Variants in PCDH11X observed in about 807,000 individuals in gnomAD.
PCDH11X encodes the protein protocadherin 11 X-linked, also known as protocadherin-11 X-linked.
PCDH11X carries 18 observed loss-of-function variants against 53.3 expected under a neutral mutation model. That is an observed-to-expected ratio of 0.34 (90% confidence interval 0.23 to 0.50). The LOEUF is 0.50. Among genes scored for constraint, PCDH11X ranks in the 20% least tolerant of loss-of-function variants. PCDH11X has a pLI of 0.98. For missense variants in PCDH11X, 570 were observed against 1,032.4 expected, an observed-to-expected ratio of 0.55 and a Z score of 6.14; for synonymous variants, 279 against 393.3, an observed-to-expected ratio of 0.71 and a Z score of 3.44.
At chrX:92,042,885 C>T (rs1341484160) in intron 6 of PCDH11X, among the ~76,000 whole-genome samples, 4 of 109,417 alleles carry the variant, frequency 3.7e-5, no homozygotes, top group African/African-American at 1.3e-4. Context: ...GTCATCCACC[C>T]GCCTCAGCCT....
At chrX:92,058,817 T>C (rs764010535) in intron 6 of PCDH11X, among the ~76,000 whole-genome samples, 414 of 107,823 alleles carry the variant, frequency 3.8e-3, no homozygotes, top group Non-Finnish European at 6.3e-3. Context: ...ATATTGATAT[T>C]ATTTCAATGC....
chrX:92,292,013 C>T (rs1344105177), intron 8 of PCDH11X, among the ~76,000 whole-genome samples: 3 of 111,648 alleles, frequency 2.7e-5, no homozygotes, highest in Non-Finnish European at 5.7e-5. Flanking sequence ...ATGTGAAATG[C>T]ATCACTTTGG....
At chrX:91,798,134 G>T (rs1322855281) in intron 1 of PCDH11X, 4 of 110,485 alleles carry the variant, frequency 3.6e-5, no homozygotes. Context: ...TGTAGTATCT[G>T]TTCCTATCAG....
chrX:92,580,822 T>A (rs921672549), intron 10 of PCDH11X, among the ~76,000 whole-genome samples: 6 of 111,122 alleles, frequency 5.4e-5, no homozygotes, highest in African/African-American at 2.0e-4. Context: ...ATTTCCCGAG[T>A]TCGGTAACAC....
At chrX:92,291,873 C>CAA (rs199895319) in intron 8 of PCDH11X, among the ~76,000 whole-genome samples, 2,839 of 100,782 alleles carry the variant, frequency 0.028, 73 homozygotes, top group African/African-American at 0.088. Flanking sequence ...GTCTCAAAAA[C>CAA]AAAAAAAAAG....
chrX:92,004,699 C>T (rs1602659181), intron 6 of PCDH11X, among the ~76,000 whole-genome samples: 1 of 108,264 alleles, frequency 9.2e-6, no homozygotes, highest in South Asian at 4.0e-4. Context: ...ATATAGTGAC[C>T]CTTGCTCATT....
At chrX:92,219,350 C>G (rs2066808680) in intron 7 of PCDH11X, among the ~76,000 whole-genome samples, 1 of 111,168 alleles carries the variant, frequency 9.0e-6, no homozygotes, top group Non-Finnish European at 1.9e-5. Context: ...TCAGCAAAGT[C>G]TCAGGATACA....
At chrX:92,351,272 A>G (rs1288813685) in intron 8 of PCDH11X, among the ~76,000 whole-genome samples, 3 of 111,941 alleles carry the variant, frequency 2.7e-5, no homozygotes, top group Admixed American at 9.5e-5. Flanking sequence ...TAGGTTCACA[A>G]ATAAATCATT....
intron 6 of PCDH11X, among the ~76,000 whole-genome samples, chrX:92,184,794 G>T (rs2066061513): frequency 9.0e-6 from 1 of 110,847 alleles, no homozygotes; most frequent in African/African-American, 3.3e-5. Context: ...CTATAATCCT[G>T]GCACTTTGGA....
chrX:92,323,654 T>A (rs1157045686), intron 8 of PCDH11X, among the ~76,000 whole-genome samples: 2 of 111,156 alleles, frequency 1.8e-5, no homozygotes, highest in Admixed American at 9.7e-5. Flanking sequence ...ACATGTGCCA[T>A]GCTGGTGTGC....
At chrX:92,594,109 A>T (rs933222356) in intron 10 of PCDH11X, among the ~76,000 whole-genome samples, 1 of 89,790 alleles carries the variant, frequency 1.1e-5, no homozygotes, top group African/African-American at 4.1e-5. Flanking sequence ...TCCTGTTTGG[A>T]AAGCTGAATC....
chrX:92,024,815 GT>G (rs1286512038), intron 6 of PCDH11X, among the ~76,000 whole-genome samples: 1 of 105,971 alleles, frequency 9.4e-6, no homozygotes, highest in Non-Finnish European at 1.9e-5. Flanking sequence ...GCAAAACTTC[GT>G]GGTACTGACA....
rs576362483 is a variant in PCDH11X, at chrX:91,835,980, C to T, written c.476C>T (p.Thr159Ile). The change falls in exon 5 of 11, where the codon ACT (threonine) becomes ATT (isoleucine). Residue 159 changes from threonine (T) to isoleucine (I), a missense_variant. By Grantham distance (89) the Thr-to-Ile change is moderately conservative. Around this residue, in one of 6 missense-constraint regions of PCDH11X, gnomAD observed 84 missense variants for 142.0 expected, o/e 0.59. Coordinates refer to ENST00000682573, the MANE Select transcript of PCDH11X (RefSeq NM_032968.5). ...AACTCGGCTATAAACTCTAAATATA[C>T]TCTCCCAGCGGCTGTTGATCCTGAC... ...PENSAINSKY[T>I]LPAAVDPDVG... is the part of the protein sequence containing the mutation. 8.3e-7 allele frequency: 1 copy of T among 1,211,042 alleles called. No homozygotes were observed. The highest frequency in any genetic ancestry group is 1.8e-5 in the South Asian group (1 of 56,917).
chrX:91,803,351 T>G (rs1455584427), intron 1 of PCDH11X, among the ~76,000 whole-genome samples: 1 of 111,103 alleles, frequency 9.0e-6, no homozygotes, highest in African/African-American at 3.3e-5. Flanking sequence ...TTGCCATCAG[T>G]TATCTTTTTC....
intron 6 of PCDH11X, among the ~76,000 whole-genome samples, chrX:91,973,586 C>T (rs1338337852): frequency 1.9e-5 from 2 of 104,616 alleles, no homozygotes; most frequent in Non-Finnish European, 3.9e-5. Flanking sequence ...ACAGAAAAAC[C>T]ATATTGCACA....
chrX:92,493,106 GTATC>G lies in PCDH11X; in HGVS notation c.3367+24788_3367+24791del, dbSNP rs770556095. On this transcript the variant is annotated intron_variant, in intron 10 of 10. Coordinates refer to ENST00000682573, the MANE Select transcript of PCDH11X (RefSeq NM_032968.5). ...TGTAAAACAAACATATATTTTGTAA[GTATC>G]TATTTAAAACACAGCTATATGGATG... is the stretch of plus-strand genomic sequence containing the variant. Among the ~76,000 whole-genome samples the G allele has an allele frequency of 4.1e-4, 46 of 110,951 alleles. No homozygotes were observed. The East Asian group carries it at 0.013, about 31-fold the overall frequency.
At chrX:92,108,157 C>T (rs1435639325) in intron 6 of PCDH11X, among the ~76,000 whole-genome samples, 1 of 111,907 alleles carries the variant, frequency 8.9e-6, no homozygotes. Context: ...CAGATTTCCT[C>T]AAAATGTCTA....
chrX:92,255,513 C>T (rs368453158), intron 7 of PCDH11X, among the ~76,000 whole-genome samples: 94 of 94,802 alleles, frequency 9.9e-4, no homozygotes, highest in Admixed American at 1.2e-3. Flanking sequence ...GGAGGAGAGG[C>T]GCTCTGATTT....
At chrX:92,255,976 C>T (rs1189675779) in intron 7 of PCDH11X, among the ~76,000 whole-genome samples, 1 of 112,333 alleles carries the variant, frequency 8.9e-6, no homozygotes, top group Non-Finnish European at 1.9e-5. Flanking sequence ...TTGGAGCTTC[C>T]CAGCTGCTTT....
Sources: gnomAD v4.1 joint callset for allele counts (sites outside exome capture counted in the v4.1 genomes callset) on GRCh38, gnomAD v4.1.1 for gene constraint, gnomAD v4.1.1 regional missense constraint, MANE v1.5 for transcripts, NCBI Gene and HGNC (gene_info 2026-07-23, HGNC 2026-07-21) for gene names.